Variants in ARL8B observed in about 807,000 individuals in gnomAD.
ARL8B encodes the protein ADP-ribosylation factor-like protein 8B.
In ARL8B, 9 loss-of-function variants were observed where a neutral mutation model predicts 30.6. The ratio of observed to expected loss-of-function variants is 0.29; its 90% CI spans 0.18 to 0.51. The LOEUF is 0.51. Ranked by LOEUF, ARL8B falls within the 20% of genes least tolerant of loss-of-function variation. The probability of loss-of-function intolerance (pLI) is 0.97; values close to 1 mark genes in which losing one functional copy is unlikely to be tolerated. For missense variants in ARL8B, 130 were observed against 227.2 expected, an observed-to-expected ratio of 0.57 and a Z score of 2.75; for synonymous variants, 74 against 76.0, an observed-to-expected ratio of 0.97 and a Z score of 0.14.
chr3:5,125,536 C>CTT lies in ARL8B; in HGVS notation c.123+2961_123+2962dup, dbSNP rs66519927. The stretch of plus-strand genomic sequence containing the variant: ...AGTGAACCAGTGGCTCCACCATTAT[C>CTT]TTTTTTTTTTTTTTGAGACGGAGTC... On this transcript the variant is annotated intron_variant, in intron 1 of 6. Transcript: ENST00000256496. Among the ~76,000 whole-genome samples the CTT allele has an allele frequency of 5.8e-3, 823 of 141,944 alleles. 11 individuals are homozygous for CTT. Among genetic ancestry groups the CTT allele is most frequent in the African/African-American group, 0.019 (747 of 38,422 alleles). 93.1% of individuals were successfully genotyped at this position (141,944 alleles called of 152,430 possible).
At position 5,180,713 on chromosome 3, in the gene ARL8B, C is replaced by T. The variant is rs2054771200; in HGVS notation, c.*2000C>T. The T allele has an allele frequency of 1.3e-5, 2 of 152,604 alleles. No homozygotes were observed. Among genetic ancestry groups the T allele is most frequent in the African/African-American group, 4.8e-5 (2 of 41,430 alleles). The allele number at this position is 152,604 out of a possible 1,614,324, so 9.5% of individuals were successfully genotyped here. A position where few individuals can be genotyped will look rare whatever the true frequency, so the allele number is the denominator to read the frequency against. Reference sequence around the variant, plus strand: ...TTTTTTGTCTGTTTACTGCTCTTCTCAGCTTTATTCAATAAACTTGCATTT... The same window carrying T: ...TTTTTTGTCTGTTTACTGCTCTTCTTAGCTTTATTCAATAAACTTGCATTT... On this transcript the variant is annotated 3_prime_UTR_variant, in exon 7 of 7. Transcript: ENST00000256496.
intron 1 of ARL8B, among the ~76,000 whole-genome samples, chr3:5,168,142 C>T (rs924521999): frequency 6.6e-6 from 1 of 152,146 alleles, no homozygotes; most frequent in South Asian, 2.1e-4. Context: ...TCATATCGTT[C>T]TTAAGATCTC....
At chr3:5,126,736 A>G (rs1488072886) in intron 1 of ARL8B, among the ~76,000 whole-genome samples, 1 of 152,194 alleles carries the variant, frequency 6.6e-6, no homozygotes, top group Admixed American at 6.6e-5. Context: ...ACATTATAAA[A>G]AAGAAACACC....
chr3:5,123,468 G>T (rs2054201716), intron 1 of ARL8B, among the ~76,000 whole-genome samples: 1 of 152,170 alleles, frequency 6.6e-6, no homozygotes. Context: ...TTGCTTGTTT[G>T]GTTGGTTGGG....
At chr3:5,131,423 C>G (rs564553066) in intron 1 of ARL8B, among the ~76,000 whole-genome samples, 35 of 151,060 alleles carry the variant, frequency 2.3e-4, no homozygotes, top group Admixed American at 8.6e-4. Flanking sequence ...CAGAGTCTCA[C>G]TCTGTCACCC....
intron 2 of ARL8B, chr3:5,171,080 C>T (rs1428815972): frequency 6.6e-6 from 1 of 152,230 alleles, no homozygotes; most frequent in Non-Finnish European, 1.5e-5. Context: ...AAATCTATGG[C>T]CTGAGCCTTA....
chr3:5,178,765 G>A lies in ARL8B; in HGVS notation c.*52G>A. ...TCTTGGCTATAATCCTAGAATTATT[G>A]TCCGTTCCTCTGAAGTAATTCCCAG... On this transcript the variant is annotated 3_prime_UTR_variant, in exon 7 of 7. Transcript: ENST00000256496. 1.2e-6 allele frequency: 2 copies of A among 1,608,712 alleles called. No individual in the cohort carries two copies. The highest frequency in any genetic ancestry group is 1.1e-5 in the South Asian group (1 of 90,796).
chr3:5,137,135 C>T (rs1194062522), intron 1 of ARL8B, among the ~76,000 whole-genome samples: 2 of 152,098 alleles, frequency 1.3e-5, no homozygotes, highest in Non-Finnish European at 2.9e-5. Context: ...TCTGTGACCT[C>T]CTCAAAGCTT....
chr3:5,124,765 A>C (rs896714150), intron 1 of ARL8B, among the ~76,000 whole-genome samples: 1 of 152,188 alleles, frequency 6.6e-6, no homozygotes, highest in South Asian at 2.1e-4. Context: ...AGCCTGCTAG[A>C]GCTTTTATAT....
chr3:5,170,738 GT>G (rs373043551), intron 2 of ARL8B, 155 bp downstream of exon 2: 1,039 of 490,818 alleles, frequency 2.1e-3, no homozygotes, highest in South Asian at 2.7e-3. Context: ...TTGTTTTTTT[GT>G]TTTTTTTTTG....
chr3:5,149,097 A>G (rs1034493204), intron 1 of ARL8B, among the ~76,000 whole-genome samples: 1 of 152,182 alleles, frequency 6.6e-6, no homozygotes, highest in Admixed American at 6.5e-5. Flanking sequence ...CACTTGCTTC[A>G]TATCTAAGAT....
At chr3:5,172,404 T>G (rs959882684) in intron 3 of ARL8B, among the ~76,000 whole-genome samples, 181 bp downstream of exon 3, 1 of 152,218 alleles carries the variant, frequency 6.6e-6, no homozygotes. Flanking sequence ...AATAAGATCT[T>G]TATGTTTTTT....
At chr3:5,125,149 A>G (rs927149768) in intron 1 of ARL8B, among the ~76,000 whole-genome samples, 3 of 152,090 alleles carry the variant, frequency 2.0e-5, no homozygotes, top group Admixed American at 6.6e-5. Context: ...TTTCCCATCT[A>G]TTAAATGGAG....
At chr3:5,136,406 A>G (rs2054326162) in intron 1 of ARL8B, among the ~76,000 whole-genome samples, 1 of 152,182 alleles carries the variant, frequency 6.6e-6, no homozygotes. Context: ...GTTATGAGGA[A>G]TCTGGGTTCC....
chr3:5,143,613 G>A (rs191172685), intron 1 of ARL8B, among the ~76,000 whole-genome samples: 15 of 152,316 alleles, frequency 9.8e-5, no homozygotes, highest in Middle Eastern at 3.4e-3. Flanking sequence ...CTGTTCAGCC[G>A]TTTGCACGGC....
At chr3:5,154,094 C>T (rs1353061328) in intron 1 of ARL8B, among the ~76,000 whole-genome samples, 2 of 152,002 alleles carry the variant, frequency 1.3e-5, no homozygotes, top group Non-Finnish European at 2.9e-5. Context: ...TGTGATATAT[C>T]TGGATGTGGA....
chr3:5,163,352 T>G (rs576188885), intron 1 of ARL8B, among the ~76,000 whole-genome samples: 6 of 152,154 alleles, frequency 3.9e-5, no homozygotes, highest in Non-Finnish European at 8.8e-5. Flanking sequence ...TATCGCTGAA[T>G]CTTTTAACAT....
chr3:5,122,566 C>T lies in ARL8B; in HGVS notation c.101C>T (p.Thr34Ile), dbSNP rs771867776. The T allele has an allele frequency of 6.2e-7, 1 of 1,606,444 alleles. No individual in the cohort carries two copies. The highest frequency in any genetic ancestry group is 1.1e-5 in the South Asian group (1 of 90,148). Residue 34 changes from threonine (T) to isoleucine (I), a missense_variant, in exon 1 of 7, where the codon ACC becomes ATC. Thr to Ile is a moderately conservative substitution (Grantham distance 89). Transcript: ENST00000256496. ...TLVGLQYSGK[T>I]TFVNVIASGQ... Reference sequence around the variant, plus strand: ...GTGGGGCTGCAGTACTCGGGCAAGACCACCTTCGTCAATGTCATCGCGGTG... The same window carrying T: ...GTGGGGCTGCAGTACTCGGGCAAGATCACCTTCGTCAATGTCATCGCGGTG...
At chr3:5,164,483 C>G (rs1451589854) in intron 1 of ARL8B, among the ~76,000 whole-genome samples, 3 of 152,206 alleles carry the variant, frequency 2.0e-5, no homozygotes, top group Non-Finnish European at 4.4e-5. Flanking sequence ...AAACAGCACT[C>G]ATACCCCTTT....
Sources: gnomAD v4.1 joint callset for allele counts (sites outside exome capture counted in the v4.1 genomes callset) on GRCh38, gnomAD v4.1.1 for gene constraint, MANE v1.5 for transcripts, NCBI Gene and HGNC (gene_info 2026-07-23, HGNC 2026-07-21) for gene names.